RMND1: variants seen among roughly 807,000 people sequenced by gnomAD.
The protein encoded by RMND1 is required for meiotic nuclear division 1 homolog.
RMND1 carries 41 observed loss-of-function variants against 54.0 expected under a neutral mutation model. The ratio of observed to expected loss-of-function variants is 0.76; its 90% CI spans 0.59 to 0.98. The LOEUF (loss-of-function observed/expected upper bound fraction) is 0.98, where lower values mean the gene tolerates loss of function less well. Among genes scored for constraint, RMND1 ranks in the 50% least tolerant of loss-of-function variants. The pLI, the probability that RMND1 is intolerant of heterozygous loss-of-function variation, is 0.00. For missense variants in RMND1, 457 were observed against 532.0 expected, an observed-to-expected ratio of 0.86 and a Z score of 1.39; for synonymous variants, 183 against 181.7, an observed-to-expected ratio of 1.01 and a Z score of -0.06.
intron 4 of RMND1, among the ~76,000 whole-genome samples, chr6:151,432,686 A>G (rs1037556263): frequency 3.3e-5 from 5 of 152,184 alleles, no homozygotes; most frequent in Admixed American, 6.6e-5. Flanking sequence ...GATAAAAGGA[A>G]TAAGTGTGTA....
intron 1 of RMND1, among the ~76,000 whole-genome samples, chr6:151,450,519 G>A (rs62074728): frequency 3.5e-5 from 5 of 144,632 alleles, no homozygotes; most frequent in South Asian, 4.5e-4. Context: ...CGCCCCGTCC[G>A]GGAGGGAGGT....
At chr6:151,414,414 C>A (rs1344895376) in intron 10 of RMND1, among the ~76,000 whole-genome samples, 1 of 151,994 alleles carries the variant, frequency 6.6e-6, no homozygotes, top group Non-Finnish European at 1.5e-5. Flanking sequence ...ATGAGGGAAA[C>A]TGGAGGTATT....
At chr6:151,440,157 A>G (rs1780735946) in intron 2 of RMND1, among the ~76,000 whole-genome samples, 1 of 152,024 alleles carries the variant, frequency 6.6e-6, no homozygotes, top group East Asian at 1.9e-4. Context: ...GTGTTTCTTC[A>G]TGTTGGCCAG....
chr6:151,411,095 G>C (rs1018326502), intron 10 of RMND1, among the ~76,000 whole-genome samples: 1 of 152,116 alleles, frequency 6.6e-6, no homozygotes, highest in Non-Finnish European at 1.5e-5. Flanking sequence ...AAGTACCTGG[G>C]ATCACAGGCA....
At chr6:151,443,419 C>T (rs1780847301) in intron 2 of RMND1, among the ~76,000 whole-genome samples, 1 of 152,130 alleles carries the variant, frequency 6.6e-6, no homozygotes, top group South Asian at 2.1e-4. Context: ...TCAAGAGATT[C>T]TCCTGCCTCA....
intron 3 of RMND1, among the ~76,000 whole-genome samples, chr6:151,434,239 C>A (rs1179271462): frequency 6.6e-6 from 1 of 151,858 alleles, no homozygotes; most frequent in Non-Finnish European, 1.5e-5. Flanking sequence ...AGCATATATT[C>A]CATAATATAA....
intron 10 of RMND1, among the ~76,000 whole-genome samples, chr6:151,407,933 TACCACAGCATGCTTTC>T (rs1779685154): frequency 5.3e-5 from 8 of 151,980 alleles, no homozygotes; most frequent in African/African-American, 1.9e-4. Context: ...AAGTCACTAT[TACCACAGCATGCTTTC>T]TATTTATTTA....
At chr6:151,427,143 C>A (rs1460462141) in intron 6 of RMND1, among the ~76,000 whole-genome samples, 1 of 151,628 alleles carries the variant, frequency 6.6e-6, no homozygotes, top group African/African-American at 2.4e-5. Context: ...CTTTGAGAGG[C>A]TGAGGTGGGC....
In RMND1 at chr6:151,445,438, C is replaced by T. The variant is rs776620943; in HGVS notation, c.374G>A (p.Arg125Lys). 3.7e-6 allele frequency: 6 copies of T among 1,614,022 alleles called. No homozygotes were observed. In the African/African-American group the frequency reaches 6.7e-5, roughly 18 times the overall value. The change falls in exon 2 of 12, where the codon AGG becomes AAG. Residue 125 changes from arginine (R) to lysine (K), a missense_variant. Arg to Lys is a conservative substitution (Grantham distance 26, BLOSUM62 2). Transcript: ENST00000444024. ...TTCCGTTGATACAGATGAGAAATGC[C>T]TCTTTAATATTTTTATAAACCATTT... ...GSKWFIKILK[R>K]HFSSVSTETF...
chr6:151,409,176 G>A (rs183267283), intron 10 of RMND1, among the ~76,000 whole-genome samples: 1 of 152,226 alleles, frequency 6.6e-6, no homozygotes, highest in African/African-American at 2.4e-5. Context: ...GTCCAGGTGG[G>A]AAAGGAAGAT....
intron 6 of RMND1, among the ~76,000 whole-genome samples, chr6:151,425,503 G>A (rs1173865081): frequency 6.6e-6 from 1 of 152,128 alleles, no homozygotes; most frequent in Non-Finnish European, 1.5e-5. Flanking sequence ...GAAGTATTTG[G>A]TTGGTGCAAA....
intron 10 of RMND1, among the ~76,000 whole-genome samples, chr6:151,416,104 G>A (rs1184909132): frequency 7.3e-5 from 11 of 151,676 alleles, no homozygotes; most frequent in African/African-American, 2.7e-4. Context: ...TCAGCCTCCC[G>A]AGTAGCTGGG....
chr6:151,443,749 T>G (rs1464141742), intron 2 of RMND1, among the ~76,000 whole-genome samples: 1 of 152,200 alleles, frequency 6.6e-6, no homozygotes, highest in Non-Finnish European at 1.5e-5. Flanking sequence ...AACTAACTCC[T>G]TAATTTCAGT....
In RMND1 at chr6:151,445,560, A is replaced by G; in HGVS notation, c.252T>C (p.Asn84=). ...KSDTSMLSPL[N]AARCQDEKAH... ...CCTTTTCATCTTGGCAACGAGCAGC[A>G]TTTAATGGAGACAGCATGCTGGTAT... Residue 84 remains asparagine (N), a synonymous_variant, in exon 2 of 12, where the codon AAT becomes AAC. Coordinates refer to ENST00000444024, the MANE Select transcript of RMND1 (RefSeq NM_017909.4). 6.2e-7 allele frequency: 1 copy of G among 1,614,240 alleles called. No homozygotes were observed. The highest frequency in any genetic ancestry group is 2.2e-5 in the East Asian group (1 of 44,886).
chr6:151,423,740 T>G, intron 6 of RMND1, 109 bp from the exon 7 acceptor site: 2 of 749,100 alleles, frequency 2.7e-6, no homozygotes, highest in Non-Finnish European at 2.4e-6. Flanking sequence ...ACAATTTGTA[T>G]CAAGAGTGTT....
chr6:151,445,804 GCTGGCATTA>G lies in RMND1; in HGVS notation c.-2_7del. ...TCTGGCCACGGCTCTGAGGAGTGTG[GCTGGCATTA>G]CCACATCCCAAGCTAAAAGAAAAGG... On this transcript the variant is annotated start_lost and 5_prime_UTR_variant, in exon 2 of 12. Transcript: ENST00000444024. 1 of 1,603,148 alleles carries G rather than the reference GCTGGCATTA, an allele frequency of 6.2e-7. No homozygotes were observed. The highest frequency in any genetic ancestry group is 8.5e-7 in the Non-Finnish European group (1 of 1,173,802).
intron 1 of RMND1, among the ~76,000 whole-genome samples, chr6:151,449,017 C>T (rs1273586057): frequency 4.2e-5 from 6 of 142,596 alleles, no homozygotes; most frequent in South Asian, 2.2e-4. Flanking sequence ...GCGGAGATTG[C>T]GCCACTGCAC....
At chr6:151,420,727 G>A (rs974309308) in intron 9 of RMND1, 1 of 152,076 alleles carries the variant, frequency 6.6e-6, no homozygotes, top group African/African-American at 2.4e-5. Flanking sequence ...GCCCAAGAGG[G>A]AATGTGATAT....
intron 9 of RMND1, among the ~76,000 whole-genome samples, chr6:151,417,815 T>TTA (rs1554343036): frequency 2.0e-5 from 3 of 146,564 alleles, no homozygotes; most frequent in African/African-American, 5.1e-5. Context: ...TTTTCAATTT[T>TTA]TTTTTTTTTT....
Sources: gnomAD v4.1 joint callset for allele counts (sites outside exome capture counted in the v4.1 genomes callset) on GRCh38, gnomAD v4.1.1 for gene constraint, MANE v1.5 for transcripts, NCBI Gene and HGNC (gene_info 2026-07-23, HGNC 2026-07-21) for gene names.